The following FAT4 variants were observed in gnomAD, a reference collection of about 807,000 sequenced individuals.
FAT4 encodes the protein protocadherin Fat 4.
FAT4 carries 84 observed loss-of-function variants against 303.9 expected under a neutral mutation model. The ratio of observed to expected loss-of-function variants is 0.28; its 90% CI spans 0.23 to 0.33. The LOEUF is 0.33. Ranked by LOEUF, FAT4 falls within the 10% of genes least tolerant of loss-of-function variation. FAT4 has a pLI of 1.00. For synonymous variants in FAT4, 2,307 were observed against 2,298.8 expected (o/e 1.00, Z -0.10); for missense variants, 6,005 against 6,146.8 (o/e 0.98, Z 0.77).
chr4:125,490,067 C>T lies in FAT4; in HGVS notation c.13251C>T (p.Cys4417=). Reference sequence around the variant, plus strand: ...ACCCCTGCTGGGGTGATTTGCTGTGCATTAATCAGTGGTATGCCTACAGGT... The same window carrying T: ...ACCCCTGCTGGGGTGATTTGCTGTGTATTAATCAGTGGTATGCCTACAGGT... ...ASNPCWGDLL[C]INQWYAYRCV... The change falls in exon 18 of 18, where the codon TGC becomes TGT. Residue 4417 remains cysteine, a synonymous_variant. Coordinates refer to ENST00000394329, the MANE Select transcript of FAT4 (RefSeq NM_001291303.3). 1 of 1,614,038 alleles carries T rather than the reference C, an allele frequency of 6.2e-7. No individual in the cohort carries two copies. Among genetic ancestry groups the T allele is most frequent in the Non-Finnish European group, 8.5e-7 (1 of 1,180,018 alleles).
chr4:125,397,390 C>T (rs1435000118), intron 2 of FAT4, among the ~76,000 whole-genome samples: 1 of 152,060 alleles, frequency 6.6e-6, no homozygotes, highest in African/African-American at 2.4e-5. Flanking sequence ...ATTTACAACC[C>T]TGCAAGGAAG....
Position 125,415,217 on chromosome 4 carries a change from T to G in FAT4, c.6254T>G (p.Ile2085Ser), listed in dbSNP as rs773272677. The change falls in exon 6 of 18, where the codon ATT (isoleucine) becomes AGT (serine). Residue 2085 changes from isoleucine (I) to serine (S), a missense_variant. Ile to Ser is a moderately radical substitution (Grantham distance 142). Coordinates refer to ENST00000394329, the MANE Select transcript of FAT4 (RefSeq NM_001291303.3). Reference protein sequence around the residue: ...TDPDSGPNSYIEYTLLNPLGN... With the variant: ...TDPDSGPNSYSEYTLLNPLGN... ...CCAGATAGTGGCCCAAACAGCTATA[T>G]TGAGTACACTCTGCTGAACCCTTTG... is the stretch of plus-strand genomic sequence containing the variant. 1.2e-6 allele frequency: 2 copies of G among 1,614,114 alleles called. No individual in the cohort carries two copies. Among genetic ancestry groups the G allele is most frequent in the Admixed American group, 3.3e-5 (2 of 60,002 alleles).
At chr4:125,346,832 C>T (rs1448629910) in intron 2 of FAT4, among the ~76,000 whole-genome samples, 3 of 151,912 alleles carry the variant, frequency 2.0e-5, no homozygotes, top group African/African-American at 7.2e-5. Flanking sequence ...AGCATTGTGC[C>T]ATGGTTTGTT....
chr4:125,356,150 C>G (rs75898651), intron 2 of FAT4, among the ~76,000 whole-genome samples: 2 of 151,980 alleles, frequency 1.3e-5, no homozygotes, highest in Non-Finnish European at 2.9e-5. Context: ...CTCAGAGTGG[C>G]CTTATCTTTG....
chr4:125,343,039 C>T (rs1731856259), intron 2 of FAT4, among the ~76,000 whole-genome samples: 1 of 152,022 alleles, frequency 6.6e-6, no homozygotes, highest in African/African-American at 2.4e-5. Context: ...AAGTTCTGCC[C>T]AATTTTAATG....
chr4:125,356,926 A>G (rs1732451878), intron 2 of FAT4, among the ~76,000 whole-genome samples: 1 of 151,964 alleles, frequency 6.6e-6, no homozygotes, highest in African/African-American at 2.4e-5. Flanking sequence ...TTTGTTGAAC[A>G]TTCATGAATC....
In FAT4 at chr4:125,316,058, C is replaced by G. The variant is rs542521472; in HGVS notation, c.-13+81C>G. Among the ~76,000 whole-genome samples, 1 of 152,288 alleles carries G rather than the reference C, an allele frequency of 6.6e-6. No homozygotes were observed. The highest frequency in any genetic ancestry group is 2.1e-4 in the South Asian group (1 of 4,828). ...GATACAGGCAACTTCTCCCAACTCTCATCCACCCGGGTGAAAACGCTCAGA... is the reference window on the plus strand; with the variant it reads ...GATACAGGCAACTTCTCCCAACTCTGATCCACCCGGGTGAAAACGCTCAGA... On this transcript the variant is annotated intron_variant, in intron 1 of 17. Transcript: ENST00000394329. This position sits in a 1 kb window ranked among gnomAD's most constrained non-coding sequence, Gnocchi z 5.7.
intron 9 of FAT4, among the ~76,000 whole-genome samples, chr4:125,446,791 A>G (rs1381131836): frequency 6.6e-6 from 1 of 151,864 alleles, no homozygotes; most frequent in Non-Finnish European, 1.5e-5. Flanking sequence ...TCTTAATATT[A>G]CTTGAATATT....
intron 4 of FAT4, 105 bp downstream of exon 4, chr4:125,407,246 T>G: frequency 5.4e-6 from 5 of 929,380 alleles, no homozygotes; most frequent in Non-Finnish European, 8.2e-6. Context: ...TTTAATCATA[T>G]ACTACTAGTT....
At position 125,332,047 on chromosome 4, in the gene FAT4, A is replaced by G. The variant is rs748380627; in HGVS notation, c.5175+10461A>G. On this transcript the variant is annotated intron_variant, in intron 2 of 17. Coordinates refer to ENST00000394329, the MANE Select transcript of FAT4 (RefSeq NM_001291303.3). ...GTGAGAAAAACAATGGCACTCTATA[A>G]AGTTTATTAGTGCTCTTCCCCTTTT... 9.4e-4 allele frequency among the ~76,000 whole-genome samples: 143 copies of G among 152,086 alleles called. 3 individuals are homozygous for G. The highest frequency in any genetic ancestry group is 2.1e-4 in the Non-Finnish European group (14 of 67,990).
chr4:125,375,452 C>T (rs1733275358), intron 2 of FAT4, among the ~76,000 whole-genome samples: 2 of 152,168 alleles, frequency 1.3e-5, no homozygotes, highest in African/African-American at 2.4e-5. Flanking sequence ...GAGTGCTTAT[C>T]GTCATGTCAC....
At chr4:125,454,654 T>C (rs1159439848) in intron 10 of FAT4, among the ~76,000 whole-genome samples, 1 of 152,010 alleles carries the variant, frequency 6.6e-6, no homozygotes, top group Admixed American at 6.6e-5. Flanking sequence ...TCCAACATGG[T>C]GAAACCCATC....
At chr4:125,372,020 C>T (rs570154346) in intron 2 of FAT4, among the ~76,000 whole-genome samples, 35 of 151,862 alleles carry the variant, frequency 2.3e-4, no homozygotes, top group Non-Finnish European at 7.4e-5. Context: ...AAAAGAAGAA[C>T]GAAATGGATG....
rs1726008281 is a variant in FAT4, at chr4:125,450,326, A to T, written c.9316A>T (p.Ile3106Phe). The T allele has an allele frequency of 6.2e-7, 1 of 1,614,118 alleles. No homozygotes were observed. The highest frequency in any genetic ancestry group is 8.5e-7 in the Non-Finnish European group (1 of 1,179,996). ...TGCAACCATCCCTGAGAGCCATAGC[A>T]TTGGGTCCATTGTCAGAACTGTTTC... ...MSATIPESHS[I>F]GSIVRTVSAR... The change falls in exon 10 of 18, where the codon ATT becomes TTT. Residue 3106 changes from isoleucine to phenylalanine, a missense_variant. Physicochemically the swap from Ile to Phe is conservative, Grantham distance 21. Transcript: ENST00000394329.
intron 2 of FAT4, among the ~76,000 whole-genome samples, chr4:125,339,768 T>C (rs1319215264): frequency 6.6e-6 from 1 of 152,176 alleles, no homozygotes; most frequent in East Asian, 1.9e-4. Flanking sequence ...AGCCAAGATT[T>C]CAGCCTAAGC....
chr4:125,452,710 G>C lies in FAT4; in HGVS notation c.11700G>C (p.Glu3900Asp). ...CPDGFTGRAC[E>D]RDINECLQSP... ...ATGGCTTCACTGGTAGGGCGTGTGA[G>C]AGAGATATCAATGAGTGCCTGCAGA... Residue 3900 changes from glutamate to aspartate, a missense_variant, in exon 10 of 18, where the codon GAG becomes GAC. Physicochemically the swap from Glu to Asp is conservative, Grantham distance 45 (BLOSUM62 2). Transcript: ENST00000394329. 6.2e-7 allele frequency: 1 copy of C among 1,614,156 alleles called. No homozygotes were observed. Among genetic ancestry groups the C allele is most frequent in the South Asian group, 1.1e-5 (1 of 91,082 alleles).
At chr4:125,359,986 C>T (rs1732591453) in intron 2 of FAT4, among the ~76,000 whole-genome samples, 1 of 152,112 alleles carries the variant, frequency 6.6e-6, no homozygotes, top group African/African-American at 2.4e-5. Context: ...GCCCAAATTC[C>T]CTAGATGGAT....
rs766131387 is a variant in FAT4 at position 125,450,194 on chromosome 4, A to G, written c.9184A>G (p.Thr3062Ala). 2 of 1,613,746 alleles carry G rather than the reference A, an allele frequency of 1.2e-6. No individual in the cohort carries two copies. Among genetic ancestry groups the G allele is most frequent in the African/African-American group, 1.3e-5 (1 of 74,920 alleles). ...DLNQNFFITVTAKDKGNPPLS... is the reference protein window; with the variant it reads ...DLNQNFFITVAAKDKGNPPLS... ...GAACCAAAACTTTTTTATCACAGTC[A>G]CTGCAAAGGATAAGGGAAACCCTCC... Residue 3062 changes from threonine (T) to alanine (A), a missense_variant, in exon 10 of 18, where the codon ACT (threonine) becomes GCT (alanine). Physicochemically the swap from Thr to Ala is moderately conservative, Grantham distance 58. Transcript: ENST00000394329.
At chr4:125,469,892 T>C (rs1726799395) in intron 12 of FAT4, among the ~76,000 whole-genome samples, 1 of 152,304 alleles carries the variant, frequency 6.6e-6, no homozygotes, top group East Asian at 1.9e-4. Flanking sequence ...GGTGACTCCT[T>C]TCCAGAAGGT....
Sources: allele counts gnomAD v4.1 joint callset (sites outside exome capture counted in the v4.1 genomes callset), GRCh38; gene constraint gnomAD v4.1.1; non-coding constraint Gnocchi (gnomAD v3.1); transcripts MANE v1.5; gene names NCBI Gene and HGNC (gene_info 2026-07-23, HGNC 2026-07-21).